The following MYOF variants were observed in gnomAD, a reference collection of about 807,000 sequenced individuals.
The protein encoded by MYOF is myoferlin.
A neutral mutation model predicts 284.2 loss-of-function variants in MYOF; 244 were observed. That is an observed-to-expected ratio of 0.86 (90% CI 0.77 to 0.95). The LOEUF (loss-of-function observed/expected upper bound fraction) is 0.95. Ranked by LOEUF, MYOF falls within the 40% of genes least tolerant of loss-of-function variation. The pLI, the probability that MYOF is intolerant of heterozygous loss-of-function variation, is 0.00. For synonymous variants in MYOF, 904 were observed against 919.7 expected, an observed-to-expected ratio of 0.98 and a Z score of 0.31; for missense variants, 2,496 against 2,560.6, an observed-to-expected ratio of 0.97 and a Z score of 0.54.
At position 93,323,302 on chromosome 10, in the gene MYOF, A is replaced by AGGG. The variant is rs1463043073; in HGVS notation, c.5325_5327dup (p.Pro1777dup). The AGGG allele has an allele frequency of 1.9e-6, 3 of 1,614,082 alleles. No homozygotes were observed. In the South Asian group the frequency reaches 3.3e-5, roughly 18 times the overall value. ...CTTTCCGGGGTGTGATGTTGAAAGGAGGGCCTGGTGGCCCCAAACTCTTGG... is the reference window on the plus strand; with the variant it reads ...CTTTCCGGGGTGTGATGTTGAAAGGAGGGGGGCCTGGTGGCCCCAAACTCTTGG... On this transcript the variant is annotated inframe_insertion, in exon 47 of 54. Transcript: ENST00000359263.
chr10:93,348,507 C>T (rs980947953), intron 36 of MYOF, among the ~76,000 whole-genome samples: 2 of 152,094 alleles, frequency 1.3e-5, no homozygotes, highest in African/African-American at 2.4e-5. Flanking sequence ...ACTGGGGTCA[C>T]CTGAGTGGTT....
chr10:93,335,644 G>A (rs558664619), intron 41 of MYOF, among the ~76,000 whole-genome samples: 145 of 136,590 alleles, frequency 1.1e-3, no homozygotes, highest in African/African-American at 3.6e-3. Flanking sequence ...GCTGCTTGGC[G>A]TGAGCAGGGA....
chr10:93,408,748 G>C (rs1274790405), intron 7 of MYOF, 39 bp downstream of exon 7: 2 of 1,612,942 alleles, frequency 1.2e-6, no homozygotes, highest in South Asian at 2.2e-5. Flanking sequence ...CTCCCCAGTG[G>C]GACTCATGAG....
At chr10:93,349,471 A>G (rs1002145655) in intron 36 of MYOF, among the ~76,000 whole-genome samples, 5 of 152,198 alleles carry the variant, frequency 3.3e-5, no homozygotes, top group Non-Finnish European at 5.9e-5. Context: ...TAGGGGGTAT[A>G]TCTGGTCCAT....
intron 40 of MYOF, among the ~76,000 whole-genome samples, chr10:93,336,362 G>T (rs951206781): frequency 1.3e-5 from 2 of 152,222 alleles, no homozygotes; most frequent in East Asian, 3.9e-4. Context: ...AATAACTTGT[G>T]GCATATCCAC....
intron 3 of MYOF, among the ~76,000 whole-genome samples, chr10:93,446,175 G>A (rs2056422056): frequency 6.8e-6 from 1 of 146,608 alleles, no homozygotes; most frequent in South Asian, 2.1e-4. Flanking sequence ...ATCATGCCTT[G>A]TTCATTACAG....
At chr10:93,423,193 A>G (rs905463757) in intron 5 of MYOF, among the ~76,000 whole-genome samples, 3 of 152,128 alleles carry the variant, frequency 2.0e-5, no homozygotes, top group African/African-American at 7.2e-5. Flanking sequence ...GGTGGGTCCC[A>G]ATCCAATGAC....
At chr10:93,312,673 A>T (rs1393924789) in intron 51 of MYOF, among the ~76,000 whole-genome samples, 4 of 151,968 alleles carry the variant, frequency 2.6e-5, no homozygotes, top group Admixed American at 2.0e-4. Context: ...GAAAAATTCA[A>T]ATGTGAAGTT....
intron 21 of MYOF, among the ~76,000 whole-genome samples, chr10:93,378,693 G>GTGTATA: frequency 1.7e-4 from 15 of 87,894 alleles, no homozygotes; most frequent in African/African-American, 5.3e-4. Context: ...GTGTGTGTGT[G>GTGTATA]TATATATATA....
rs527370788 is a variant in MYOF at position 93,360,017 on chromosome 10, C to G, written c.2975-39G>C. The G allele has an allele frequency of 1.9e-6, 3 of 1,612,062 alleles. No homozygotes were observed. In the South Asian group the frequency reaches 3.3e-5, roughly 18 times the overall value. ...TGTGAATGGTTACCCAGAAGAGATG[C>G]ATTTGCCAGATCACCAAATAAACCT... On this transcript the variant is annotated intron_variant, in intron 28 of 53. Transcript: ENST00000359263.
At chr10:93,457,233 C>T (rs1055189566) in intron 1 of MYOF, among the ~76,000 whole-genome samples, 2 of 152,186 alleles carry the variant, frequency 1.3e-5, no homozygotes, top group Non-Finnish European at 2.9e-5. Context: ...AGAAAGAAGC[C>T]AACAAAGCTA....
chr10:93,327,590 T>C (rs1201526077), intron 45 of MYOF, among the ~76,000 whole-genome samples: 2 of 151,830 alleles, frequency 1.3e-5, no homozygotes, highest in African/African-American at 4.9e-5. Context: ...GACGGGGGAG[T>C]TGTTTGATTG....
At position 93,351,436 on chromosome 10, in the gene MYOF, C is replaced by T. The variant is rs998734721; in HGVS notation, c.3799G>A (p.Ala1267Thr). The change falls in exon 34 of 54, where the codon GCA (alanine) becomes ACA (threonine). Residue 1267 changes from alanine to threonine, a missense_variant. Coordinates refer to ENST00000359263, the MANE Select transcript of MYOF (RefSeq NM_013451.4). ...ACCTTGCCCCTCAGAATCAGCTCTG[C>T]AGTTACAAGAACATCCCCGCAGGCT... ...DKACGDVLVT[A>T]ELILRGKDGS... 7.4e-6 allele frequency: 12 copies of T among 1,614,088 alleles called. No homozygotes were observed. In the East Asian group the frequency reaches 2.7e-4, roughly 36 times the overall value.
chr10:93,369,734 AC>A lies in MYOF; in HGVS notation c.2499del (p.Glu833AspfsTer4). The A allele has an allele frequency of 6.2e-7, 1 of 1,614,096 alleles. No homozygotes were observed. Among genetic ancestry groups the A allele is most frequent in the Non-Finnish European group, 8.5e-7 (1 of 1,180,008 alleles). ...EKNNGPKVPV[E>X]LRVNIWLGLS... The stretch of plus-strand genomic sequence containing the variant: ...AAGCCTAGCCAGATGTTCACTCGCA[AC>A]TCCACAGGCACCTTTGGCCCGTTGT... On this transcript the variant is annotated frameshift_variant, in exon 25 of 54. Coordinates refer to ENST00000359263, the MANE Select transcript of MYOF (RefSeq NM_013451.4). LOFTEE classifies it high-confidence loss of function.
Position 93,452,064 on chromosome 10 carries a change from T to A in MYOF, c.222A>T (p.Thr74=), listed in dbSNP as rs758113839. The A allele has an allele frequency of 1.2e-6, 2 of 1,611,538 alleles. No homozygotes were observed. The highest frequency in any genetic ancestry group is 1.7e-6 in the Non-Finnish European group (2 of 1,178,770). ...AAACAACTTACTTATTTTGTCCAAT[T>A]GTCTCAAAATCTTTCACAATAATCC... ...SLGIIVKDFE[T]IGQNKLIGTA... The change falls in exon 3 of 54, where the codon ACA becomes ACT. Residue 74 remains threonine (T), a synonymous_variant. Transcript: ENST00000359263.
At chr10:93,365,048 A>G (rs531335955) in intron 26 of MYOF, among the ~76,000 whole-genome samples, 2 of 152,194 alleles carry the variant, frequency 1.3e-5, no homozygotes, top group South Asian at 2.1e-4. Context: ...CTTCCAGCCA[A>G]TTCAAACCCC....
chr10:93,449,079 C>A (rs1281386812), intron 3 of MYOF, among the ~76,000 whole-genome samples: 1 of 152,018 alleles, frequency 6.6e-6, no homozygotes, highest in Non-Finnish European at 1.5e-5. Context: ...ATATGGTGGC[C>A]ACTAGCTACA....
intron 39 of MYOF, 68 bp downstream of exon 39, chr10:93,340,085 A>G (rs1459530806): frequency 3.4e-5 from 49 of 1,457,116 alleles, no homozygotes; most frequent in Non-Finnish European, 4.5e-5. Context: ...TTCTCAAAAA[A>G]AGAAAAGAAA....
rs34592074 is a variant in MYOF, at chr10:93,463,394, A to AATTTTT, written c.89-6458_89-6457insAAAAAT. Among the ~76,000 whole-genome samples, 772 of 78,886 alleles carry AATTTTT rather than the reference A, an allele frequency of 9.8e-3. 17 individuals are homozygous for AATTTTT. Among genetic ancestry groups the AATTTTT allele is most frequent in the Non-Finnish European group, 0.013 (558 of 43,446 alleles). 51.8% of individuals were successfully genotyped at this position (78,886 alleles called of 152,430 possible). A position where few individuals can be genotyped will look rare whatever the true frequency, so the allele number is the denominator to read the frequency against. ...ACATAGTGAGACTTCGTCTCTACAA[A>AATTTTT]TTTTTTTTTTTTTTTTTTTTTTTGA... On this transcript the variant is annotated intron_variant, in intron 1 of 53. Coordinates refer to ENST00000359263, the MANE Select transcript of MYOF (RefSeq NM_013451.4).
Sources: allele counts gnomAD v4.1 joint callset (sites outside exome capture counted in the v4.1 genomes callset), GRCh38; gene constraint gnomAD v4.1.1; transcripts MANE v1.5; gene names NCBI Gene and HGNC (gene_info 2026-07-23, HGNC 2026-07-21).